The following IGF2R variants were observed in gnomAD, a reference collection of about 807,000 sequenced individuals.
IGF2R encodes the protein cation-independent mannose-6-phosphate receptor.
A neutral mutation model predicts 270.6 loss-of-function variants in IGF2R; 91 were observed. The ratio of observed to expected loss-of-function variants is 0.34; its 90% CI spans 0.28 to 0.40. IGF2R has a LOEUF of 0.40. IGF2R is among the 10% of genes least tolerant of loss of function. IGF2R has a pLI of 1.00. For synonymous variants in IGF2R, 1,316 were observed against 1,258.9 expected (o/e 1.05, Z -0.96); for missense variants, 2,805 against 3,188.3 (o/e 0.88, Z 2.90).
At chr6:160,030,845 A>T (rs1165334243) in intron 7 of IGF2R, among the ~76,000 whole-genome samples, 1 of 147,230 alleles carries the variant, frequency 6.8e-6, no homozygotes, top group Non-Finnish European at 1.5e-5. Flanking sequence ...TTTTTTAAAG[A>T]CAGTGTCTTG....
chr6:159,975,684 T>TATATA (rs1783680847), intron 1 of IGF2R, among the ~76,000 whole-genome samples: 3 of 141,742 alleles, frequency 2.1e-5, no homozygotes, highest in African/African-American at 7.9e-5. Context: ...TTATATATAT[T>TATATA]TATATATATA....
chr6:160,051,803 A>T (rs1035705034), intron 19 of IGF2R, among the ~76,000 whole-genome samples: 12 of 151,972 alleles, frequency 7.9e-5, no homozygotes, highest in African/African-American at 2.4e-4. Context: ...CAAAAAATTT[A>T]AAAAAAAATT....
intron 10 of IGF2R, among the ~76,000 whole-genome samples, chr6:160,036,495 A>C (rs1434023508): frequency 6.6e-6 from 1 of 152,070 alleles, no homozygotes; most frequent in Non-Finnish European, 1.5e-5. Context: ...CTGTGGTCTG[A>C]ATCTCCCTGC....
intron 18 of IGF2R, among the ~76,000 whole-genome samples, chr6:160,049,270 C>A (rs949151824): frequency 5.9e-5 from 9 of 152,160 alleles, no homozygotes; most frequent in African/African-American, 2.2e-4. Flanking sequence ...CCTCTTTATT[C>A]ACAGATTCTG....
At chr6:159,977,253 G>T (rs879839604) in intron 1 of IGF2R, among the ~76,000 whole-genome samples, 4 of 152,216 alleles carry the variant, frequency 2.6e-5, no homozygotes, top group African/African-American at 4.8e-5. Flanking sequence ...TTGTCACCAT[G>T]ATTGCATGGT....
intron 1 of IGF2R, among the ~76,000 whole-genome samples, chr6:159,989,392 G>A (rs930907297): frequency 1.3e-5 from 2 of 152,050 alleles, no homozygotes; most frequent in Non-Finnish European, 2.9e-5. Flanking sequence ...GGAGGTGGAC[G>A]GCTCCTTCTG....
chr6:160,058,324 G>T (rs761089543), intron 21 of IGF2R, among the ~76,000 whole-genome samples, 200 bp downstream of exon 21: 3 of 152,174 alleles, frequency 2.0e-5, no homozygotes, highest in Admixed American at 2.0e-4. Flanking sequence ...CAGTTCAGAC[G>T]TGAAGACTGT....
chr6:160,011,781 G>A (rs545161174), intron 4 of IGF2R, among the ~76,000 whole-genome samples: 169 of 152,002 alleles, frequency 1.1e-3, no homozygotes, highest in African/African-American at 3.2e-3. Context: ...TCCTTCTGCC[G>A]CTTCTCCATG....
chr6:160,105,317 T>G lies in IGF2R; in HGVS notation c.*233T>G, dbSNP rs1779590423. 2.1e-6 allele frequency: 1 copy of G among 476,786 alleles called. No homozygotes were observed. Among genetic ancestry groups the G allele is most frequent in the Non-Finnish European group, 3.7e-6 (1 of 270,326 alleles). The allele number at this position is 476,786 out of a possible 1,614,324, so 29.5% of individuals were successfully genotyped here. ...AGATCGGCCACAGGGCGGTACCTTG[T>G]GCCCAGGGTTTTGCCCCAAGTCCTC... On this transcript the variant is annotated 3_prime_UTR_variant, in exon 48 of 48. Coordinates refer to ENST00000356956, the MANE Select transcript of IGF2R (RefSeq NM_000876.4).
intron 10 of IGF2R, among the ~76,000 whole-genome samples, chr6:160,034,726 A>G (rs1374702944): frequency 6.6e-6 from 1 of 152,162 alleles, no homozygotes; most frequent in African/African-American, 2.4e-5. Flanking sequence ...GGACACACAC[A>G]CATCCTGTTT....
chr6:160,071,264 A>G (rs11970268), intron 31 of IGF2R, among the ~76,000 whole-genome samples: 28,131 of 102,938 alleles, frequency 0.27, 3,997 homozygotes, highest in African/African-American at 0.41. Context: ...CCCAGGGCCC[A>G]GGAGGCTGGG....
At chr6:160,052,904 C>T (rs1317714509) in intron 19 of IGF2R, among the ~76,000 whole-genome samples, 1 of 152,114 alleles carries the variant, frequency 6.6e-6, no homozygotes, top group Non-Finnish European at 1.5e-5. Context: ...AACTGGATCC[C>T]TTCCTTACAC....
chr6:160,013,685 G>A (rs1784374176), intron 4 of IGF2R, among the ~76,000 whole-genome samples: 2 of 152,148 alleles, frequency 1.3e-5, no homozygotes, highest in South Asian at 4.1e-4. Flanking sequence ...AATGCTTTCA[G>A]GGAGCCTATA....
rs1456891959 is a variant in IGF2R at position 160,109,236 on chromosome 6, G to A, written c.*4152G>A. On this transcript the variant is annotated 3_prime_UTR_variant, in exon 48 of 48. Transcript: ENST00000356956. ...AGGTGAGGTCATCTGGTGCCACTCA[G>A]CCCCATCCCAGAGAAAGCAGCCTTG... The A allele has an allele frequency of 6.6e-6, 1 of 152,192 alleles. No homozygotes were observed. Among genetic ancestry groups the A allele is most frequent in the East Asian group, 1.9e-4 (1 of 5,182 alleles). 9.4% of individuals were successfully genotyped at this position (152,192 alleles called of 1,614,324 possible). A position where few individuals can be genotyped will look rare whatever the true frequency, so the allele number is the denominator to read the frequency against.
intron 10 of IGF2R, among the ~76,000 whole-genome samples, chr6:160,036,568 G>C (rs1477231981): frequency 1.3e-5 from 2 of 152,156 alleles, no homozygotes; most frequent in Admixed American, 1.3e-4. Flanking sequence ...ACTTGGCCGA[G>C]ATCTTTGAGA....
At chr6:160,074,031 C>A in intron 35 of IGF2R, 56 bp downstream of exon 35, 1 of 1,284,496 alleles carries the variant, frequency 7.8e-7, no homozygotes, top group Non-Finnish European at 1.1e-6. Flanking sequence ...TTAGTGATAA[C>A]CTTTGCGTTG....
chr6:160,055,005 TC>T, intron 19 of IGF2R, among the ~76,000 whole-genome samples: 1 of 152,012 alleles, frequency 6.6e-6, no homozygotes, highest in East Asian at 1.9e-4. Context: ...GAGAGACACT[TC>T]CTTTAGAGTT....
At chr6:160,078,581 A>G (rs1277350306) in intron 37 of IGF2R, among the ~76,000 whole-genome samples, 1 of 152,168 alleles carries the variant, frequency 6.6e-6, no homozygotes, top group Non-Finnish European at 1.5e-5. Flanking sequence ...GTTGTACCTC[A>G]TGGCTCTGCA....
intron 4 of IGF2R, among the ~76,000 whole-genome samples, chr6:160,016,268 G>A (rs910629543): frequency 2.6e-5 from 4 of 152,152 alleles, no homozygotes; most frequent in Admixed American, 2.0e-4. Flanking sequence ...TGGTAGAGGC[G>A]CCTCTGTCCC....
Sources: gnomAD v4.1 joint callset for allele counts (sites outside exome capture counted in the v4.1 genomes callset) on GRCh38, gnomAD v4.1.1 for gene constraint, MANE v1.5 for transcripts, NCBI Gene and HGNC (gene_info 2026-07-23, HGNC 2026-07-21) for gene names.